Variants in ATP8B4 observed in about 807,000 individuals in gnomAD.
ATP8B4 encodes the protein ATPase phospholipid transporting 8B4 (putative).
ATP8B4 carries 133 observed loss-of-function variants against 145.6 expected under a neutral mutation model. The observed-to-expected ratio is 0.91, with a 90% CI of 0.79 to 1.05. The LOEUF (loss-of-function observed/expected upper bound fraction) is 1.05. Among genes scored for constraint, ATP8B4 ranks in the 50% least tolerant of loss-of-function variants. The pLI, the probability that ATP8B4 is intolerant of heterozygous loss-of-function variation, is 0.00. For synonymous variants in ATP8B4, 507 were observed against 492.9 expected, an observed-to-expected ratio of 1.03 and a Z score of -0.38; for missense variants, 1,458 against 1,425.2, an observed-to-expected ratio of 1.02 and a Z score of -0.37.
At chr15:49,924,063 C>T (rs1411601927) in intron 16 of ATP8B4, among the ~76,000 whole-genome samples, 5 of 152,090 alleles carry the variant, frequency 3.3e-5, no homozygotes, top group Non-Finnish European at 5.9e-5. Flanking sequence ...AAACACACTT[C>T]ACAGAGGGGC....
chr15:50,070,819 C>A (rs559299240), intron 3 of ATP8B4, among the ~76,000 whole-genome samples: 1 of 152,282 alleles, frequency 6.6e-6, no homozygotes, highest in African/African-American at 2.4e-5. Flanking sequence ...TGGCTCACTG[C>A]AACCTCCGCC....
At chr15:50,112,098 A>G (rs1478592361) in intron 1 of ATP8B4, among the ~76,000 whole-genome samples, 1 of 152,202 alleles carries the variant, frequency 6.6e-6, no homozygotes, top group African/African-American at 2.4e-5. Flanking sequence ...CATGTGGTAA[A>G]CTGAGGGGTT....
chr15:49,933,272 T>G (rs1438132012), intron 15 of ATP8B4, among the ~76,000 whole-genome samples: 1 of 151,828 alleles, frequency 6.6e-6, no homozygotes, highest in Non-Finnish European at 1.5e-5. Context: ...TTTCAAGAAA[T>G]AAAATTGAGA....
At chr15:49,897,147 A>G (rs750625058) in intron 23 of ATP8B4, 145 bp downstream of exon 23, 5 of 724,608 alleles carry the variant, frequency 6.9e-6, no homozygotes, top group Non-Finnish European at 8.8e-6. Flanking sequence ...TCAACTATCA[A>G]TTACATAATT....
At chr15:49,949,358 T>TAGTTCTCCTTGAAGAAGTCC (rs2042862100) in intron 14 of ATP8B4, among the ~76,000 whole-genome samples, 1 of 152,222 alleles carries the variant, frequency 6.6e-6, no homozygotes, top group Non-Finnish European at 1.5e-5. Flanking sequence ...CAGTGGTTTG[T>TAGTTCTCCTTGAAGAAGTCC]AGTTCTCCTT....
rs2057337310 is a variant in ATP8B4, at chr15:50,130,327, G to C, written c.-42-23319C>G. 2.6e-5 allele frequency among the ~76,000 whole-genome samples: 4 copies of C among 152,130 alleles called. No individual in the cohort carries two copies. In the South Asian group the frequency reaches 8.3e-4, roughly 32 times the overall value. ...ACTTGTCTGGGTCTCTAATACCTGA[G>C]GGTAGCAACTCAATTTCCCACTGGT... On this transcript the variant is annotated intron_variant, in intron 1 of 3. Transcript: ENST00000558829.
At chr15:50,036,615 T>C (rs893665340) in intron 6 of ATP8B4, among the ~76,000 whole-genome samples, 17 of 152,216 alleles carry the variant, frequency 1.1e-4, no homozygotes, top group African/African-American at 4.1e-4. Context: ...TGGCTAATGA[T>C]GGGATTTAGC....
intron 8 of ATP8B4, among the ~76,000 whole-genome samples, chr15:49,998,011 C>A (rs1182370635): frequency 6.6e-6 from 1 of 152,080 alleles, no homozygotes; most frequent in East Asian, 1.9e-4. Flanking sequence ...ACATGTCCAT[C>A]CATTTAAACA....
chr15:50,006,051 T>A (rs1484757440), intron 7 of ATP8B4, among the ~76,000 whole-genome samples: 1 of 152,136 alleles, frequency 6.6e-6, no homozygotes, highest in African/African-American at 2.4e-5. Context: ...AAAATGAGAA[T>A]GAGATCCTAA....
chr15:50,126,016 G>A (rs1253145765), intron 1 of ATP8B4, among the ~76,000 whole-genome samples: 1 of 152,066 alleles, frequency 6.6e-6, no homozygotes, highest in Admixed American at 6.6e-5. Flanking sequence ...TCCTTCTAGT[G>A]GAAGAGAAAA....
intron 2 of ATP8B4, among the ~76,000 whole-genome samples, chr15:50,106,543 A>C (rs1185698399): frequency 6.6e-6 from 1 of 152,236 alleles, no homozygotes; most frequent in African/African-American, 2.4e-5. Flanking sequence ...AATGAAGAAC[A>C]AACTATTAAT....
chr15:49,923,639 A>G (rs1177834957), intron 16 of ATP8B4, 145 bp from the exon 17 acceptor site: 1 of 552,174 alleles, frequency 1.8e-6, no homozygotes, highest in African/African-American at 1.9e-5. Context: ...TGGTTAGGTC[A>G]TTACCTAAGT....
At chr15:49,900,998 T>C (rs1448623320) in intron 21 of ATP8B4, 94 bp downstream of exon 21, 2 of 1,457,958 alleles carry the variant, frequency 1.4e-6, no homozygotes, top group Non-Finnish European at 1.9e-6. Context: ...GACATTTGTC[T>C]GGAAAAGACA....
intron 6 of ATP8B4, among the ~76,000 whole-genome samples, chr15:50,037,707 T>C (rs898194887): frequency 6.6e-6 from 1 of 152,242 alleles, no homozygotes; most frequent in Non-Finnish European, 1.5e-5. Flanking sequence ...GGCACCTTTA[T>C]GGCTTATCCA....
intron 1 of ATP8B4, among the ~76,000 whole-genome samples, chr15:50,175,838 C>T (rs962819477): frequency 6.6e-5 from 10 of 152,056 alleles, no homozygotes; most frequent in Non-Finnish European, 1.3e-4. Flanking sequence ...TCCAGCAATC[C>T]CACTGCTGGG....
intron 23 of ATP8B4, among the ~76,000 whole-genome samples, chr15:49,882,473 C>T (rs2035574260): frequency 6.6e-6 from 1 of 152,126 alleles, no homozygotes. Flanking sequence ...AGTCCCCAAA[C>T]AAAAACAACC....
chr15:49,953,847 G>T (rs2043313831), intron 14 of ATP8B4, among the ~76,000 whole-genome samples: 2 of 152,202 alleles, frequency 1.3e-5, no homozygotes, highest in East Asian at 1.9e-4. Flanking sequence ...TCAGTGGGTT[G>T]CACAGTTCTG....
intron 1 of ATP8B4, among the ~76,000 whole-genome samples, chr15:50,177,451 G>A (rs185491745): frequency 6.6e-6 from 1 of 152,342 alleles, no homozygotes; most frequent in African/African-American, 2.4e-5. Flanking sequence ...TATGCGATGG[G>A]TTTATAAGTT....
In ATP8B4 at chr15:50,018,888, C is replaced by T. The variant is rs1156427894; in HGVS notation, c.363-7971G>A. On this transcript the variant is annotated intron_variant, in intron 6 of 27. Transcript: ENST00000284509. ...GAAGCTTCGACCATTATGTCACTTA[C>T]ATTTTTCTCAGGACCAGGATAAATC... is the stretch of plus-strand genomic sequence containing the variant. 2.5e-6 allele frequency: 3 copies of T among 1,210,876 alleles called. No homozygotes were observed. The East Asian group carries it at 1.7e-4, about 70-fold the overall frequency. 75.0% of individuals were successfully genotyped at this position (1,210,876 alleles called of 1,614,324 possible).
Sources: gnomAD v4.1 joint callset for allele counts (sites outside exome capture counted in the v4.1 genomes callset) on GRCh38, gnomAD v4.1.1 for gene constraint, MANE v1.5 for transcripts, NCBI Gene and HGNC (gene_info 2026-07-23, HGNC 2026-07-21) for gene names.